Variants in RAB33A observed in about 807,000 individuals in gnomAD.
RAB33A encodes the protein ras-related protein Rab-33A.
Under a neutral mutation model 12.0 loss-of-function variants are expected in RAB33A, and 6 were observed. The ratio of observed to expected loss-of-function variants is 0.50; its 90% CI spans 0.27 to 0.99. RAB33A has a LOEUF of 0.99. Among genes scored for constraint, RAB33A ranks in the 50% least tolerant of loss-of-function variants. The pLI, the probability that RAB33A is intolerant of heterozygous loss-of-function variation, is 0.11. For synonymous variants in RAB33A, 70 were observed against 82.4 expected, an observed-to-expected ratio of 0.85 and a Z score of 0.81; for missense variants, 109 against 192.0, an observed-to-expected ratio of 0.57 and a Z score of 2.55.
chrX:130,180,443 A>G (rs1258173522), intron 1 of RAB33A, among the ~76,000 whole-genome samples: 1 of 110,918 alleles, frequency 9.0e-6, no homozygotes, highest in African/African-American at 3.3e-5. Flanking sequence ...TCAGACTCCA[A>G]TTTATTTTTA....
At chrX:130,155,976 G>C in the RAB33A span, among the ~76,000 whole-genome samples, 9 of 112,050 alleles carry the variant, frequency 8.0e-5, no homozygotes, top group Admixed American at 7.6e-4. Flanking sequence ...TTTAGTCTTT[G>C]GGTAAGATTC....
At chrX:130,166,224 C>G in the RAB33A span, among the ~76,000 whole-genome samples, 1 of 111,858 alleles carries the variant, frequency 8.9e-6, no homozygotes, top group African/African-American at 3.3e-5. Context: ...TTCCATGAGT[C>G]CGAGGCGCGG....
the RAB33A span, chrX:130,137,183 G>A: frequency 8.3e-7 from 1 of 1,210,749 alleles, no homozygotes; most frequent in Non-Finnish European, 1.1e-6. Flanking sequence ...CCCAAGGCTC[G>A]AGCTGGGAAG....
chrX:130,146,435 C>A, the RAB33A span, among the ~76,000 whole-genome samples: 1 of 96,786 alleles, frequency 1.0e-5, no homozygotes, highest in East Asian at 3.3e-4. Context: ...CAGAGCCAGA[C>A]CCTGTCTCTC....
the RAB33A span, chrX:130,155,021 C>T: frequency 1.2e-6 from 1 of 829,245 alleles, no homozygotes; most frequent in South Asian, 2.2e-5. Flanking sequence ...TAGTGACTGA[C>T]AATGTCCCTT....
chrX:130,127,775 C>T, the RAB33A span, among the ~76,000 whole-genome samples: 2 of 97,163 alleles, frequency 2.1e-5, no homozygotes, highest in Admixed American at 1.2e-4. Flanking sequence ...CTGTAACCTC[C>T]GCCTCCCAGG....
At chrX:130,161,553 T>C in the RAB33A span, among the ~76,000 whole-genome samples, 1 of 105,841 alleles carries the variant, frequency 9.4e-6, no homozygotes, top group Non-Finnish European at 1.9e-5. Flanking sequence ...GCCTAGATAG[T>C]CTGTCCATTG....
At chrX:130,110,888 A>T in the RAB33A span, among the ~76,000 whole-genome samples, 2 of 93,416 alleles carry the variant, frequency 2.1e-5, no homozygotes, top group East Asian at 7.1e-4. Context: ...GAAAGGGGAA[A>T]TGCAGTAGAG....
At chrX:130,169,733 G>T (rs1053430676), upstream of RAB33A, among the ~76,000 whole-genome samples, 1 of 112,004 alleles carries the variant, frequency 8.9e-6, no homozygotes, top group Non-Finnish European at 1.9e-5. Context: ...ACAAGTTTTT[G>T]CTAGAAGCTT....
the RAB33A span, chrX:130,129,739 G>C: frequency 1.2e-6 from 1 of 813,475 alleles, no homozygotes; most frequent in Admixed American, 2.3e-5. Flanking sequence ...GGAGGGAGTT[G>C]TGGGAACAGT....
At chrX:130,117,736 C>T in the RAB33A span, among the ~76,000 whole-genome samples, 223 of 112,655 alleles carry the variant, frequency 2.0e-3, no homozygotes, top group African/African-American at 6.8e-3. Flanking sequence ...AGGCACCTGC[C>T]CTGGGCTCCT....
chrX:130,121,198 C>G, the RAB33A span, among the ~76,000 whole-genome samples: 1 of 111,898 alleles, frequency 8.9e-6, no homozygotes, highest in Non-Finnish European at 1.9e-5. Flanking sequence ...TCCCCGGTCC[C>G]CGGCACACCC....
chrX:130,142,133 G>A, the RAB33A span, among the ~76,000 whole-genome samples: 1 of 111,887 alleles, frequency 8.9e-6, no homozygotes, highest in Non-Finnish European at 1.9e-5. Context: ...GAGTTTAGTG[G>A]CCAAGACAAT....
chrX:130,165,569 G>C, the RAB33A span: 1 of 1,197,121 alleles, frequency 8.4e-7, no homozygotes, highest in Non-Finnish European at 1.1e-6. Context: ...CGGTTCCTCT[G>C]CCTCGGGCTT....
chrX:130,155,201 G>A, the RAB33A span: 5 of 1,211,104 alleles, frequency 4.1e-6, no homozygotes, highest in East Asian at 5.9e-5. Context: ...CAATTAAGAA[G>A]TACACTAGGT....
chrX:130,140,895 T>C, the RAB33A span, among the ~76,000 whole-genome samples: 70 of 112,160 alleles, frequency 6.2e-4, no homozygotes, highest in African/African-American at 2.2e-3. Context: ...GGCAGGCAGA[T>C]CACTGAGGCC....
At chrX:130,144,181 C>T in the RAB33A span, among the ~76,000 whole-genome samples, 4 of 111,149 alleles carry the variant, frequency 3.6e-5, no homozygotes, top group Non-Finnish European at 1.9e-5. Flanking sequence ...TCTTCTTCTT[C>T]ATCATCATCA....
At chrX:130,129,496 C>T in the RAB33A span, 2 of 1,007,502 alleles carry the variant, frequency 2.0e-6, no homozygotes, top group Middle Eastern at 2.5e-4. Flanking sequence ...AAAAATGCTC[C>T]TTTACCCATT....
the RAB33A span, among the ~76,000 whole-genome samples, chrX:130,111,452 C>G: frequency 1.4e-4 from 16 of 112,918 alleles, no homozygotes; most frequent in South Asian, 5.7e-3. Context: ...AGCGGGAGGG[C>G]GGGCCGTGCG....
Sources: allele counts gnomAD v4.1 joint callset (sites outside exome capture counted in the v4.1 genomes callset), GRCh38; gene constraint gnomAD v4.1.1; transcripts MANE v1.5; gene names NCBI Gene and HGNC (gene_info 2026-07-23, HGNC 2026-07-21).